PPFIA2: variants seen among roughly 807,000 people sequenced by gnomAD.
The protein encoded by PPFIA2 is PPFI scaffold protein A2.
In PPFIA2, 46 loss-of-function variants were observed where a neutral mutation model predicts 175.5. The ratio of observed to expected loss-of-function variants is 0.26; its 90% CI spans 0.21 to 0.34. PPFIA2 has a LOEUF of 0.34. PPFIA2 is among the 10% of genes least tolerant of loss of function. PPFIA2 has a pLI of 1.00. For missense variants in PPFIA2, 1,179 were observed against 1,506.1 expected (o/e 0.78, Z 3.60); for synonymous variants, 568 against 511.4 (o/e 1.11, Z -1.49).
At chr12:81,339,094 G>T in intron 21 of PPFIA2, 86 bp downstream of exon 21, 1 of 1,174,782 alleles carries the variant, frequency 8.5e-7, no homozygotes, top group Non-Finnish European at 1.1e-6. Context: ...GAAAAGAAGA[G>T]CAATGAAATG....
chr12:81,515,827 C>A (rs1666477800), intron 4 of PPFIA2, among the ~76,000 whole-genome samples: 1 of 152,076 alleles, frequency 6.6e-6, no homozygotes, highest in Admixed American at 6.6e-5. Flanking sequence ...AAGCCTAAAA[C>A]TTCTACCCCA....
intron 22 of PPFIA2, among the ~76,000 whole-genome samples, chr12:81,311,469 C>T (rs1338558767): frequency 6.6e-6 from 1 of 152,044 alleles, no homozygotes; most frequent in Non-Finnish European, 1.5e-5. Context: ...CGTGGTGGCT[C>T]ACGCCTGTAG....
At chr12:81,613,616 C>T (rs912921205) in intron 4 of PPFIA2, among the ~76,000 whole-genome samples, 2 of 152,110 alleles carry the variant, frequency 1.3e-5, no homozygotes, top group African/African-American at 2.4e-5. Context: ...GTCTCTCATA[C>T]ATAATTTGGA....
chr12:81,445,456 G>T, intron 6 of PPFIA2, 100 bp downstream of exon 6: 1 of 1,112,920 alleles, frequency 9.0e-7, no homozygotes, highest in Non-Finnish European at 1.3e-6. Context: ...TTCCTCAACT[G>T]ACTGACTTTA....
At chr12:81,325,520 G>T (rs1447336894) in intron 22 of PPFIA2, among the ~76,000 whole-genome samples, 1 of 152,046 alleles carries the variant, frequency 6.6e-6, no homozygotes, top group African/African-American at 2.4e-5. Context: ...TACTTGTAAG[G>T]ATTTTGAAAC....
chr12:81,508,274 C>T (rs777567217), intron 4 of PPFIA2, among the ~76,000 whole-genome samples: 9 of 152,002 alleles, frequency 5.9e-5, no homozygotes, highest in Non-Finnish European at 1.3e-4. Context: ...GTAATCCCAG[C>T]ACTTTGGGAG....
chr12:81,745,314 G>A (rs1193837784), intron 3 of PPFIA2, among the ~76,000 whole-genome samples: 2 of 152,206 alleles, frequency 1.3e-5, no homozygotes, highest in East Asian at 1.9e-4. Context: ...TGGAGGGTAG[G>A]AGTCTGGTGG....
chr12:81,313,840 G>A (rs994891027), intron 22 of PPFIA2, among the ~76,000 whole-genome samples: 6 of 151,874 alleles, frequency 4.0e-5, no homozygotes, highest in African/African-American at 7.2e-5. Flanking sequence ...AAATTTGCAC[G>A]TAGTGAAACC....
At chr12:81,575,711 C>T (rs1438539073) in intron 4 of PPFIA2, among the ~76,000 whole-genome samples, 2 of 151,606 alleles carry the variant, frequency 1.3e-5, no homozygotes, top group Non-Finnish European at 2.9e-5. Context: ...ATGATCATAT[C>T]TATTTGGTCA....
intron 4 of PPFIA2, among the ~76,000 whole-genome samples, chr12:81,481,727 T>C (rs2058250636): frequency 6.6e-6 from 1 of 152,150 alleles, no homozygotes; most frequent in Admixed American, 6.5e-5. Context: ...TTACAACTCA[T>C]ACAAAAATTA....
chr12:81,333,232 G>A (rs937143916), intron 21 of PPFIA2, among the ~76,000 whole-genome samples: 1 of 152,048 alleles, frequency 6.6e-6, no homozygotes. Flanking sequence ...TTCTTACATC[G>A]AGATGAAGAA....
At chr12:81,705,245 C>G (rs1596568447) in intron 3 of PPFIA2, among the ~76,000 whole-genome samples, 1 of 150,742 alleles carries the variant, frequency 6.6e-6, no homozygotes, top group African/African-American at 2.4e-5. Context: ...GTCAGGAGAT[C>G]GAGACTATCC....
chr12:81,330,189 GCAA>G (rs376349683), intron 21 of PPFIA2, among the ~76,000 whole-genome samples: 1 of 151,964 alleles, frequency 6.6e-6, no homozygotes, highest in Non-Finnish European at 1.5e-5. Flanking sequence ...ACGCACGATA[GCAA>G]CAACAACAAC....
chr12:81,445,070 ATAT>A (rs1441592515), intron 6 of PPFIA2, among the ~76,000 whole-genome samples: 1 of 152,134 alleles, frequency 6.6e-6, no homozygotes, highest in Non-Finnish European at 1.5e-5. Context: ...TAAAACTATG[ATAT>A]TAGAGACATT....
At chr12:81,707,877 A>G (rs1291588474) in intron 3 of PPFIA2, among the ~76,000 whole-genome samples, 1 of 151,650 alleles carries the variant, frequency 6.6e-6, no homozygotes, top group Middle Eastern at 3.4e-3. Context: ...TTGTAGGGAC[A>G]TGGATGAAAT....
chr12:81,567,919 C>A (rs1313374725), intron 4 of PPFIA2, among the ~76,000 whole-genome samples: 3 of 152,180 alleles, frequency 2.0e-5, no homozygotes, highest in Non-Finnish European at 4.4e-5. Flanking sequence ...GGTGGCCTGG[C>A]AACCTCAGAG....
chr12:81,316,660 C>T (rs942718628), intron 22 of PPFIA2, among the ~76,000 whole-genome samples: 2 of 151,520 alleles, frequency 1.3e-5, no homozygotes, highest in African/African-American at 2.4e-5. Context: ...TCTTTAAAAG[C>T]ATGACTGGTT....
intron 4 of PPFIA2, among the ~76,000 whole-genome samples, chr12:81,562,507 T>A (rs1270026282): frequency 6.6e-6 from 1 of 152,060 alleles, no homozygotes; most frequent in Non-Finnish European, 1.5e-5. Context: ...GATAGGTAAA[T>A]AAGTTTCACT....
chr12:81,620,838 A>G (rs905363236), intron 4 of PPFIA2, among the ~76,000 whole-genome samples: 2 of 152,196 alleles, frequency 1.3e-5, no homozygotes, highest in Non-Finnish European at 2.9e-5. Flanking sequence ...CTTCTAAAAT[A>G]TTAAGGTCAC....
Sources: allele counts gnomAD v4.1 joint callset (sites outside exome capture counted in the v4.1 genomes callset), GRCh38; gene constraint gnomAD v4.1.1; transcripts MANE v1.5; gene names NCBI Gene and HGNC (gene_info 2026-07-23, HGNC 2026-07-21).